NFATC1: variants seen among roughly 807,000 people sequenced by gnomAD.
NFATC1 encodes the protein nuclear factor of activated T cells 1, also known as nuclear factor of activated T-cells, cytoplasmic 1.
Under a neutral mutation model 76.0 loss-of-function variants are expected in NFATC1, and 22 were observed. The observed-to-expected ratio is 0.29, with a 90% CI of 0.21 to 0.41. The LOEUF (loss-of-function observed/expected upper bound fraction) is 0.41, where lower values mean the gene tolerates loss of function less well. Ranked by LOEUF, NFATC1 falls within the 10% of genes least tolerant of loss-of-function variation. The pLI is 1.00. For synonymous variants in NFATC1, 704 were observed against 613.1 expected, an observed-to-expected ratio of 1.15 and a Z score of -2.19; for missense variants, 1,357 against 1,337.7, an observed-to-expected ratio of 1.01 and a Z score of -0.23.
intron 3 of NFATC1, among the ~76,000 whole-genome samples, chr18:79,447,093 C>G (rs187105917): frequency 1.2e-3 from 190 of 152,244 alleles, no homozygotes; most frequent in Non-Finnish European, 2.0e-3. Flanking sequence ...TTCACTGTGG[C>G]CTCCTCCCTG....
intron 9 of NFATC1, among the ~76,000 whole-genome samples, chr18:79,512,754 G>A (rs1179788103): frequency 2.6e-5 from 4 of 152,240 alleles, no homozygotes; most frequent in African/African-American, 4.8e-5. Flanking sequence ...GCCTGCACAC[G>A]TGAGCCACGT....
rs142825630 is a variant in NFATC1, at chr18:79,451,553, C to T, written c.1763-123C>T. The T allele has an allele frequency of 3.2e-3, 3,575 of 1,127,432 alleles. 5 individuals are homozygous for T. The highest frequency in any genetic ancestry group is 3.8e-3 in the Non-Finnish European group (3,258 of 848,268). 69.8% of individuals were successfully genotyped at this position (1,127,432 alleles called of 1,614,324 possible). A position where few individuals can be genotyped will look rare whatever the true frequency, so the allele number is the denominator to read the frequency against. ...GTAGTGGCATCCGCAGGGGTCGGCC[C>T]GCAGGTCGTGGCGGTGCTTGCTCTG... On this transcript the variant is annotated intron_variant, in intron 5 of 9. Transcript: ENST00000427363.
At position 79,436,634 on chromosome 18, in the gene NFATC1, T is replaced by C. The variant is rs576137051; in HGVS notation, c.1386+2896T>C. Among the ~76,000 whole-genome samples, 14 of 152,328 alleles carry C rather than the reference T, an allele frequency of 9.2e-5. 1 individual carries two copies. The East Asian group carries it at 2.7e-3, about 29-fold the overall frequency. On this transcript the variant is annotated intron_variant, in intron 3 of 9. Coordinates refer to ENST00000427363, the MANE Select transcript of NFATC1 (RefSeq NM_001278669.2). ...CACGTGAGCAGAACGCAGCACCTTCTCTCCAGGAAGCATTCGGAGCATGGA... is the reference window on the plus strand; with the variant it reads ...CACGTGAGCAGAACGCAGCACCTTCCCTCCAGGAAGCATTCGGAGCATGGA...
At chr18:79,458,892 CTAGA>C (rs1327108152) in intron 6 of NFATC1, among the ~76,000 whole-genome samples, 4 of 152,256 alleles carry the variant, frequency 2.6e-5, no homozygotes, top group African/African-American at 9.6e-5. Flanking sequence ...GAAGCAATTG[CTAGA>C]TAGACATTTC....
At chr18:79,471,074 T>G (rs932804271) in intron 8 of NFATC1, 1 of 152,246 alleles carries the variant, frequency 6.6e-6, no homozygotes, top group Non-Finnish European at 1.5e-5. Flanking sequence ...AGTTAGAGGC[T>G]GGAACACACA....
intron 9 of NFATC1, among the ~76,000 whole-genome samples, chr18:79,522,232 AGGG>A (rs1362135190): frequency 1.4e-4 from 1 of 6,916 alleles, no homozygotes; most frequent in African/African-American, 5.5e-4. Flanking sequence ...GTCTGGGTGT[AGGG>A]GGGGTGGCAT....
chr18:79,430,263 T>TG (rs2086544895), intron 2 of NFATC1, among the ~76,000 whole-genome samples: 1 of 152,170 alleles, frequency 6.6e-6, no homozygotes, highest in African/African-American at 2.4e-5. Flanking sequence ...AGACCAGCGG[T>TG]GGGGGGAGGC....
At chr18:79,503,255 G>A (rs1290027784) in intron 9 of NFATC1, among the ~76,000 whole-genome samples, 1 of 152,162 alleles carries the variant, frequency 6.6e-6, no homozygotes, top group East Asian at 1.9e-4. Context: ...CCTCAGAGAC[G>A]TCGCAGGTTC....
Position 79,431,556 on chromosome 18 carries a change from T to C in NFATC1, c.1227-2023T>C, listed in dbSNP as rs570179402. ...GTGCACCACCACGTCCTGCTCATGT[T>C]TTTATTTTTTGTTTCGTAGAGATGG... On this transcript the variant is annotated intron_variant, in intron 2 of 9. Coordinates refer to ENST00000427363, the MANE Select transcript of NFATC1 (RefSeq NM_001278669.2). Among the ~76,000 whole-genome samples the C allele has an allele frequency of 2.0e-5, 3 of 152,172 alleles. No homozygotes were observed. In the South Asian group the frequency reaches 6.2e-4, roughly 32 times the overall value.
chr18:79,515,766 T>C (rs28520665), intron 9 of NFATC1: 46,188 of 151,844 alleles, frequency 0.3, 7,616 homozygotes, highest in African/African-American at 0.43. Flanking sequence ...GTCACTCTCC[T>C]CGGGGTCCAT....
intron 9 of NFATC1, among the ~76,000 whole-genome samples, chr18:79,494,954 C>T (rs150929053): frequency 0.014 from 1,949 of 142,270 alleles, 18 homozygotes; most frequent in Admixed American, 0.025. Flanking sequence ...CTGGTACGGC[C>T]GGGGGAAGGC....
rs1487381726 is a variant in NFATC1, at chr18:79,527,528, T to C, written c.2783T>C (p.Val928Ala). The C allele has an allele frequency of 1.2e-6, 2 of 1,613,424 alleles. No individual in the cohort carries two copies. The highest frequency in any genetic ancestry group is 8.5e-7 in the Non-Finnish European group (1 of 1,179,512). ...TTTCTCAATTTTTCTTTTCTTACAGTAAATGAAATAATACGAAATGACCTC... is the reference window on the plus strand; with the variant it reads ...TTTCTCAATTTTTCTTTTCTTACAGCAAATGAAATAATACGAAATGACCTC... ...EELDQLYLDD[V>A]NEIIRNDLSS... The change falls in exon 10 of 10, where the codon GTA (valine) becomes GCA (alanine). Residue 928 changes from valine to alanine, a missense_variant and splice_region_variant. Val to Ala is a moderately conservative substitution (Grantham distance 64). Transcript: ENST00000427363.
At chr18:79,435,555 G>A (rs1375956420) in intron 3 of NFATC1, among the ~76,000 whole-genome samples, 3 of 151,936 alleles carry the variant, frequency 2.0e-5, no homozygotes, top group African/African-American at 4.8e-5. Context: ...GCCTGGTGCC[G>A]CCCGTCTCTG....
At chr18:79,446,713 T>C (rs1171928634) in intron 3 of NFATC1, among the ~76,000 whole-genome samples, 2 of 152,226 alleles carry the variant, frequency 1.3e-5, no homozygotes, top group African/African-American at 4.8e-5. Flanking sequence ...GGGGGCTCTA[T>C]TGGAAAGGGA....
rs1469597866 is a variant in NFATC1, at chr18:79,451,756, G to GTCC, written c.1845_1847dup (p.Leu616dup). 5 of 1,613,306 alleles carry GTCC rather than the reference G, an allele frequency of 3.1e-6. No homozygotes were observed. Among genetic ancestry groups the GTCC allele is most frequent in the Non-Finnish European group, 4.2e-6 (5 of 1,179,722 alleles). On this transcript the variant is annotated inframe_insertion, in exon 6 of 10. Transcript: ENST00000427363. The stretch of plus-strand genomic sequence containing the variant: ...TCCGGTCGTGGGCGGGAAGAAGATG[G>GTCC]TCCTGTCTGGCCACAACTTCCTGCA...
intron 2 of NFATC1, chr18:79,422,445 G>A (rs2086126871): frequency 6.6e-6 from 1 of 152,176 alleles, no homozygotes; most frequent in South Asian, 2.1e-4. Flanking sequence ...GTGTGAACTT[G>A]GGGATGAGTG....
chr18:79,443,648 C>G (rs2087075685), intron 3 of NFATC1, among the ~76,000 whole-genome samples: 2 of 152,266 alleles, frequency 1.3e-5, no homozygotes, highest in African/African-American at 4.8e-5. Context: ...GTCTGCCCAG[C>G]CTCTGCCTCG....
rs11663915 is a variant in NFATC1 at position 79,407,293 on chromosome 18, G to A, written c.128-3110G>A. On this transcript the variant is annotated intron_variant, in intron 1 of 9. Transcript: ENST00000427363. ...GTGAACATGGGTGGTCAGTCCCAGA[G>A]CTGGCGTCTTGCAGCTGGGGCAGAT... Among the ~76,000 whole-genome samples the A allele has an allele frequency of 5.0e-3, 755 of 152,336 alleles. 11 individuals are homozygous for A. Among genetic ancestry groups the A allele is most frequent in the Non-Finnish European group, 4.9e-3 (335 of 68,020 alleles).
intron 1 of NFATC1, among the ~76,000 whole-genome samples, chr18:79,398,052 G>A (rs1371379127): frequency 2.0e-5 from 3 of 152,152 alleles, no homozygotes; most frequent in Non-Finnish European, 2.9e-5. Context: ...AGAACTCTGA[G>A]TCCTTCTGAG....
Sources: allele counts gnomAD v4.1 joint callset (sites outside exome capture counted in the v4.1 genomes callset), GRCh38; gene constraint gnomAD v4.1.1; transcripts MANE v1.5; gene names NCBI Gene and HGNC (gene_info 2026-07-23, HGNC 2026-07-21).